Variants in LRRTM2 observed in about 807,000 individuals in gnomAD.
LRRTM2 encodes leucine rich repeat transmembrane neuronal 2.
LRRTM2 carries 14 observed loss-of-function variants against 40.7 expected under a neutral mutation model. The observed-to-expected ratio is 0.34, with a 90% CI of 0.23 to 0.54. LRRTM2 has a LOEUF of 0.54. Among genes scored for constraint, LRRTM2 ranks in the 20% least tolerant of loss-of-function variants. The pLI, the probability that LRRTM2 is intolerant of heterozygous loss-of-function variation, is 0.92. For missense variants in LRRTM2, 468 were observed against 624.4 expected, an observed-to-expected ratio of 0.75 and a Z score of 2.67; for synonymous variants, 223 against 237.6, an observed-to-expected ratio of 0.94 and a Z score of 0.57.
chr5:138,869,986 C>T lies in LRRTM2; in HGVS notation c.*3024G>A, dbSNP rs926088842. 3 of 152,556 alleles carry T rather than the reference C, an allele frequency of 2.0e-5. No homozygotes were observed. Among genetic ancestry groups the T allele is most frequent in the African/African-American group, 7.2e-5 (3 of 41,434 alleles). 9.5% of individuals were successfully genotyped at this position (152,556 alleles called of 1,614,324 possible). The stretch of plus-strand genomic sequence containing the variant: ...AGAAATGAATATAAACGATTTCAAA[C>T]TAGTTCTTGGTTTCTAGATGGGTAT... On this transcript the variant is annotated 3_prime_UTR_variant, in exon 2 of 2. Transcript: ENST00000274711.
At position 138,875,212 on chromosome 5, in the gene LRRTM2, G is replaced by A. The variant is rs1422285609; in HGVS notation, c.-301C>T. 3 of 313,234 alleles carry A rather than the reference G, an allele frequency of 9.6e-6. No individual in the cohort carries two copies. The highest frequency in any genetic ancestry group is 7.8e-5 in the South Asian group (1 of 12,740). The allele number at this position is 313,234 out of a possible 1,614,324, so 19.4% of individuals were successfully genotyped here. A position where few individuals can be genotyped will look rare whatever the true frequency, so the allele number is the denominator to read the frequency against. ...TAATCAAAGCTTCAGTCTCCTTTCCGCAGCCGTTAGTTCTCTTGGTCTTAA... is the reference window on the plus strand; with the variant it reads ...TAATCAAAGCTTCAGTCTCCTTTCCACAGCCGTTAGTTCTCTTGGTCTTAA... On this transcript the variant is annotated 5_prime_UTR_variant, in exon 1 of 2. Transcript: ENST00000274711.
chr5:138,872,859 T>G lies in LRRTM2; in HGVS notation c.*151A>C. ...TAAAATATGGTTTCATTTAAAAAAT[T>G]AAAAATACTTCAACACTTCAAAAAC... On this transcript the variant is annotated 3_prime_UTR_variant, in exon 2 of 2. Coordinates refer to ENST00000274711, the MANE Select transcript of LRRTM2 (RefSeq NM_015564.3). The G allele has an allele frequency of 3.8e-6, 2 of 526,754 alleles. No homozygotes were observed. The highest frequency in any genetic ancestry group is 6.5e-6 in the Non-Finnish European group (2 of 306,854). 32.6% of individuals were successfully genotyped at this position (526,754 alleles called of 1,614,324 possible). A position where few individuals can be genotyped will look rare whatever the true frequency, so the allele number is the denominator to read the frequency against.
rs769846315 is a variant in LRRTM2 at position 138,874,924 on chromosome 5, A to G, written c.-13T>C. ...CAGACTTACCCATTCTTCTGAGCAC[A>G]TTGGAGGCTGCATTCAGTCGCGGTT... On this transcript the variant is annotated 5_prime_UTR_variant, in exon 1 of 2. An upstream start codon of the reference 5' UTR is lost. Coordinates refer to ENST00000274711, the MANE Select transcript of LRRTM2 (RefSeq NM_015564.3). This position sits in a 1 kb window ranked among gnomAD's most constrained non-coding sequence, Gnocchi z 4.1. The G allele has an allele frequency of 1.2e-6, 2 of 1,613,698 alleles. No homozygotes were observed. Among genetic ancestry groups the G allele is most frequent in the Non-Finnish European group, 1.7e-6 (2 of 1,179,754 alleles).
rs914699306 is a variant in LRRTM2, at chr5:138,870,980, A to T, written c.*2030T>A. 1 of 152,204 alleles carries T rather than the reference A, an allele frequency of 6.6e-6. No individual in the cohort carries two copies. The highest frequency in any genetic ancestry group is 2.4e-5 in the African/African-American group (1 of 41,454). The allele number at this position is 152,204 out of a possible 1,614,324, so 9.4% of individuals were successfully genotyped here. A position where few individuals can be genotyped will look rare whatever the true frequency, so the allele number is the denominator to read the frequency against. On this transcript the variant is annotated 3_prime_UTR_variant, in exon 2 of 2. Coordinates refer to ENST00000274711, the MANE Select transcript of LRRTM2 (RefSeq NM_015564.3). ...ATTGAACTGGGCTGAGACTTTGACA[A>T]ACTAATCTGCCCACCTTAAAAAAGA...
At position 138,875,311 on chromosome 5, in the gene LRRTM2, C is replaced by T. The variant is rs1751238926; in HGVS notation, c.-400G>A. On this transcript the variant is annotated 5_prime_UTR_variant, in exon 1 of 2. Coordinates refer to ENST00000274711, the MANE Select transcript of LRRTM2 (RefSeq NM_015564.3). ...CAGCATGAGTGCATTTACTGAAAAG[C>T]TTTTCCGAGAAACGGCACAAGAATG... is the stretch of plus-strand genomic sequence containing the variant. 1 of 852,512 alleles carries T rather than the reference C, an allele frequency of 1.2e-6. No homozygotes were observed. Among genetic ancestry groups the T allele is most frequent in the African/African-American group, 1.8e-5 (1 of 54,658 alleles). 52.8% of individuals were successfully genotyped at this position (852,512 alleles called of 1,614,324 possible). A position where few individuals can be genotyped will look rare whatever the true frequency, so the allele number is the denominator to read the frequency against.
chr5:138,874,191 A>C lies in LRRTM2; in HGVS notation c.370T>G (p.Leu124Val). ...AGTTGGGTAAAAGTTGTGTTTGGCA[A>C]GTAAAATATTTTGTTGGAACTTAAG... ...LILSSNKIFY[L>V]PNTTFTQLIN... The change falls in exon 2 of 2, where the codon TTG becomes GTG. Residue 124 changes from leucine (L) to valine (V), a missense_variant. Physicochemically the swap from Leu to Val is conservative, Grantham distance 32. Coordinates refer to ENST00000274711, the MANE Select transcript of LRRTM2 (RefSeq NM_015564.3). This position sits in a 1 kb window ranked among gnomAD's most constrained non-coding sequence, Gnocchi z 4.1. 1 of 1,614,042 alleles carries C rather than the reference A, an allele frequency of 6.2e-7. No homozygotes were observed. Among genetic ancestry groups the C allele is most frequent in the South Asian group, 1.1e-5 (1 of 91,080 alleles).
Position 138,869,577 on chromosome 5 carries a change from T to C in LRRTM2, c.*3433A>G, listed in dbSNP as rs1765148736. 6.6e-6 allele frequency: 1 copy of C among 152,198 alleles called. No individual in the cohort carries two copies. The highest frequency in any genetic ancestry group is 1.5e-5 in the Non-Finnish European group (1 of 68,030). 9.4% of individuals were successfully genotyped at this position (152,198 alleles called of 1,614,324 possible). On this transcript the variant is annotated 3_prime_UTR_variant, in exon 2 of 2. Transcript: ENST00000274711. ...AAAGAACAGGACATTTATAGCTTTT[T>C]CCCCTGATAGCTGTGTGTAGGAAGT...
Position 138,872,065 on chromosome 5 carries a change from T to TGC in LRRTM2, c.*944_*945insGC, listed in dbSNP as rs1340940575. 9.5e-5 allele frequency: 7 copies of TGC among 73,708 alleles called. No homozygotes were observed. Among genetic ancestry groups the TGC allele is most frequent in the Non-Finnish European group, 6.1e-5 (2 of 32,824 alleles). The allele number at this position is 73,708 out of a possible 1,614,324, so 4.6% of individuals were successfully genotyped here. On this transcript the variant is annotated 3_prime_UTR_variant, in exon 2 of 2. Coordinates refer to ENST00000274711, the MANE Select transcript of LRRTM2 (RefSeq NM_015564.3). ...GTGTGTGTGTGTGTGTGTGTGTGTGTGTGCGCTTTTAAATTGGAGGGAGCA... is the reference window on the plus strand; with the variant it reads ...GTGTGTGTGTGTGTGTGTGTGTGTGTGCGTGCGCTTTTAAATTGGAGGGAGCA...
At position 138,873,981 on chromosome 5, in the gene LRRTM2, G is replaced by A. The variant is rs1377007255; in HGVS notation, c.580C>T (p.Arg194Ter). The A allele has an allele frequency of 6.2e-7, 1 of 1,613,936 alleles. No individual in the cohort carries two copies. Among genetic ancestry groups the A allele is most frequent in the Non-Finnish European group, 8.5e-7 (1 of 1,179,872 alleles). The change falls in exon 2 of 2, where the codon CGA (arginine) becomes TGA (stop). Residue 194 changes from arginine to a stop codon, truncating the protein, a stop_gained. Transcript: ENST00000274711. LOFTEE classifies it high-confidence loss of function. This position sits in a 1 kb window ranked among gnomAD's most constrained non-coding sequence, Gnocchi z 6.1. ...GCAAATCCATTGCGAGCCAAACTTC[G>A]CAAACGATTTGTGCTCAAATCCAGA... ...EFLDLSTNRL[R>*]SLARNGFAGL...
At position 138,869,866 on chromosome 5, in the gene LRRTM2, A is replaced by T. The variant is rs1396853830; in HGVS notation, c.*3144T>A. ...AAAAAATTAGTATCTTTGCTTTTTG[A>T]TGCTGGCAGTGGGTATTCTCAGAGT... On this transcript the variant is annotated 3_prime_UTR_variant, in exon 2 of 2. Transcript: ENST00000274711. The T allele has an allele frequency of 6.6e-6, 1 of 152,594 alleles. No homozygotes were observed. Among genetic ancestry groups the T allele is most frequent in the Non-Finnish European group, 1.5e-5 (1 of 68,028 alleles). The allele number at this position is 152,594 out of a possible 1,614,324, so 9.5% of individuals were successfully genotyped here.
Position 138,870,113 on chromosome 5 carries a change from G to T in LRRTM2, c.*2897C>A, listed in dbSNP as rs528239826. On this transcript the variant is annotated 3_prime_UTR_variant, in exon 2 of 2. Transcript: ENST00000274711. The stretch of plus-strand genomic sequence containing the variant: ...CTAATCTTAAAAATAGAAAAAAAAT[G>T]GAGTGGGTAGTGGTGGTGAAGAGGA... 3 of 152,158 alleles carry T rather than the reference G, an allele frequency of 2.0e-5. No individual in the cohort carries two copies. The highest frequency in any genetic ancestry group is 6.5e-5 in the Admixed American group (1 of 15,280). The allele number at this position is 152,158 out of a possible 1,614,324, so 9.4% of individuals were successfully genotyped here.
At position 138,872,940 on chromosome 5, in the gene LRRTM2, G is replaced by T; in HGVS notation, c.*70C>A. 9.2e-7 allele frequency: 1 copy of T among 1,089,724 alleles called. No homozygotes were observed. Among genetic ancestry groups the T allele is most frequent in the Non-Finnish European group, 1.3e-6 (1 of 777,644 alleles). 67.5% of individuals were successfully genotyped at this position (1,089,724 alleles called of 1,614,324 possible). ...TTAATGTCACCATTGGTAAAAATTAGATATGTATTTAGCCTCTACTATGTA... is the reference window on the plus strand; with the variant it reads ...TTAATGTCACCATTGGTAAAAATTATATATGTATTTAGCCTCTACTATGTA... On this transcript the variant is annotated 3_prime_UTR_variant, in exon 2 of 2. Transcript: ENST00000274711.
Position 138,870,518 on chromosome 5 carries a change from C to G in LRRTM2, c.*2492G>C, listed in dbSNP as rs1765242109. 6.6e-6 allele frequency: 1 copy of G among 152,136 alleles called. No homozygotes were observed. Among genetic ancestry groups the G allele is most frequent in the African/African-American group, 2.4e-5 (1 of 41,424 alleles). 9.4% of individuals were successfully genotyped at this position (152,136 alleles called of 1,614,324 possible). A position where few individuals can be genotyped will look rare whatever the true frequency, so the allele number is the denominator to read the frequency against. On this transcript the variant is annotated 3_prime_UTR_variant, in exon 2 of 2. Coordinates refer to ENST00000274711, the MANE Select transcript of LRRTM2 (RefSeq NM_015564.3). ...CTGAATTAGTAAATGGCTGGCTTTTCCAATTTGCTTTTGTCCGTACACTAA... is the reference window on the plus strand; with the variant it reads ...CTGAATTAGTAAATGGCTGGCTTTTGCAATTTGCTTTTGTCCGTACACTAA...
Position 138,875,023 on chromosome 5 carries a change from G to T in LRRTM2, c.-112C>A. On this transcript the variant is annotated 5_prime_UTR_variant, in exon 1 of 2. Coordinates refer to ENST00000274711, the MANE Select transcript of LRRTM2 (RefSeq NM_015564.3). ...CTTTGACCAGTTTCCTGTTTTCTGT[G>T]TCCCAGGCTTTCCAAGTAAAATTGA... 9.4e-7 allele frequency: 1 copy of T among 1,067,522 alleles called. No individual in the cohort carries two copies. Among genetic ancestry groups the T allele is most frequent in the Non-Finnish European group, 1.4e-6 (1 of 712,470 alleles). 66.1% of individuals were successfully genotyped at this position (1,067,522 alleles called of 1,614,324 possible).
In LRRTM2 at chr5:138,871,129, A is replaced by G. The variant is rs1238029790; in HGVS notation, c.*1881T>C. On this transcript the variant is annotated 3_prime_UTR_variant, in exon 2 of 2. Transcript: ENST00000274711. ...AATTGTGATTAAATCTTACTGGCTA[A>G]ACTATAGCCTTAACATGTTTTCAGT... 1 of 152,204 alleles carries G rather than the reference A, an allele frequency of 6.6e-6. No individual in the cohort carries two copies. Among genetic ancestry groups the G allele is most frequent in the East Asian group, 1.9e-4 (1 of 5,198 alleles). 9.4% of individuals were successfully genotyped at this position (152,204 alleles called of 1,614,324 possible). A position where few individuals can be genotyped will look rare whatever the true frequency, so the allele number is the denominator to read the frequency against.
chr5:138,869,015 T>C lies in LRRTM2; in HGVS notation c.*3995A>G, dbSNP rs1581357329. On this transcript the variant is annotated 3_prime_UTR_variant, in exon 2 of 2. Coordinates refer to ENST00000274711, the MANE Select transcript of LRRTM2 (RefSeq NM_015564.3). ...CCCCCTCCCAAAACACCCTGCATAA[T>C]AGTATTTTCTTCCCACCCTCAACCC... 1 of 126,512 alleles carries C rather than the reference T, an allele frequency of 7.9e-6. No individual in the cohort carries two copies. Among genetic ancestry groups the C allele is most frequent in the African/African-American group, 3.0e-5 (1 of 33,566 alleles). 7.8% of individuals were successfully genotyped at this position (126,512 alleles called of 1,614,324 possible).
chr5:138,875,266 G>T lies in LRRTM2; in HGVS notation c.-355C>A. The T allele has an allele frequency of 2.4e-6, 1 of 416,270 alleles. No individual in the cohort carries two copies. The highest frequency in any genetic ancestry group is 3.4e-6 in the Non-Finnish European group (1 of 289,930). 25.8% of individuals were successfully genotyped at this position (416,270 alleles called of 1,614,324 possible). On this transcript the variant is annotated 5_prime_UTR_variant, in exon 1 of 2. Transcript: ENST00000274711. Reference sequence around the variant, plus strand: ...GTTGATGGCAGATGGGTGGCTTGTTGCAGAGAAGAGCTCCTGGAGCAGCAT... The same window carrying T: ...GTTGATGGCAGATGGGTGGCTTGTTTCAGAGAAGAGCTCCTGGAGCAGCAT...
Position 138,872,689 on chromosome 5 carries a change from G to A in LRRTM2, c.*321C>T, listed in dbSNP as rs1428957644. 1 of 194,410 alleles carries A rather than the reference G, an allele frequency of 5.1e-6. No homozygotes were observed. Among genetic ancestry groups the A allele is most frequent in the East Asian group, 1.2e-4 (1 of 8,026 alleles). The allele number at this position is 194,410 out of a possible 1,614,324, so 12.0% of individuals were successfully genotyped here. A position where few individuals can be genotyped will look rare whatever the true frequency, so the allele number is the denominator to read the frequency against. Reference sequence around the variant, plus strand: ...ATAGCTTCTTTCTAAATTGTTTTCAGTAGAAAAAAATAGTATATGGAGACC... The same window carrying A: ...ATAGCTTCTTTCTAAATTGTTTTCAATAGAAAAAAATAGTATATGGAGACC... On this transcript the variant is annotated 3_prime_UTR_variant, in exon 2 of 2. Coordinates refer to ENST00000274711, the MANE Select transcript of LRRTM2 (RefSeq NM_015564.3).
In LRRTM2 at chr5:138,874,323, G is replaced by C. The variant is rs769179481; in HGVS notation, c.238C>G (p.Gln80Glu). Residue 80 changes from glutamine to glutamate, a missense_variant, in exon 2 of 2, where the codon CAA becomes GAA. By Grantham distance (29) the Gln-to-Glu change is conservative. Coordinates refer to ENST00000274711, the MANE Select transcript of LRRTM2 (RefSeq NM_015564.3). The surrounding 1 kb of genome is among the most constrained non-coding windows in gnomAD (Gnocchi z 4.1). ...HNHITELERD[Q>E]FASFSQLTWL... Reference sequence around the variant, plus strand: ...GTAAGTTGACTGAAGCTGGCAAATTGATCTCTTTCGAGCTCTGTGATGTGA... The same window carrying C: ...GTAAGTTGACTGAAGCTGGCAAATTCATCTCTTTCGAGCTCTGTGATGTGA... 6.2e-7 allele frequency: 1 copy of C among 1,614,016 alleles called. No individual in the cohort carries two copies. The highest frequency in any genetic ancestry group is 1.3e-5 in the African/African-American group (1 of 75,046).
Sources: allele counts gnomAD v4.1 joint callset, GRCh38; gene constraint gnomAD v4.1.1; non-coding constraint Gnocchi (gnomAD v3.1); transcripts MANE v1.5; gene names NCBI Gene and HGNC (gene_info 2026-07-23, HGNC 2026-07-21).